Variants in TTC28 observed in about 807,000 individuals in gnomAD.
TTC28 encodes tetratricopeptide repeat domain 28, also known as tetratricopeptide repeat protein 28.
Under a neutral mutation model 198.0 loss-of-function variants are expected in TTC28, and 61 were observed. That is an observed-to-expected ratio of 0.31 (90% CI 0.25 to 0.38). The LOEUF is 0.38. TTC28 is among the 10% of genes least tolerant of loss of function. TTC28 has a pLI of 1.00. For missense variants in TTC28, 2,678 were observed against 3,164.0 expected (o/e 0.85, Z 3.69); for synonymous variants, 1,171 against 1,297.8 (o/e 0.90, Z 2.10).
chr22:28,158,389 C>G (rs966281854), intron 6 of TTC28, among the ~76,000 whole-genome samples: 1 of 152,082 alleles, frequency 6.6e-6, no homozygotes, highest in African/African-American at 2.4e-5. Flanking sequence ...TGACATTCTT[C>G]AAGGAAATAG....
intron 1 of TTC28, among the ~76,000 whole-genome samples, chr22:28,654,262 T>C (rs1365409270): frequency 2.0e-5 from 3 of 152,198 alleles, no homozygotes; most frequent in Non-Finnish European, 4.4e-5. Context: ...GCTTATGCCT[T>C]CTCAGAACTG....
chr22:28,339,986 G>T lies in TTC28; in HGVS notation c.382-33343C>A, dbSNP rs1184293767. On this transcript the variant is annotated intron_variant, in intron 2 of 22. Coordinates refer to ENST00000397906, the MANE Select transcript of TTC28 (RefSeq NM_001145418.2). ...ATCACCCGTCTTCTGCGTCGCCTAC[G>T]CTGGGAGCTGTAGACTGGAGCTGTT... Among the ~76,000 whole-genome samples the T allele has an allele frequency of 3.9e-5, 6 of 152,160 alleles. No homozygotes were observed. The East Asian group carries it at 7.7e-4, about 20-fold the overall frequency.
chr22:28,505,180 C>T (rs2048591747), intron 2 of TTC28, among the ~76,000 whole-genome samples: 1 of 150,442 alleles, frequency 6.6e-6, no homozygotes, highest in East Asian at 2.0e-4. Context: ...CTGCTTGAAT[C>T]CAGGAGGCGG....
intron 1 of TTC28, among the ~76,000 whole-genome samples, chr22:28,674,869 G>A (rs548022357): frequency 1.6e-4 from 24 of 148,860 alleles, no homozygotes; most frequent in Admixed American, 1.5e-3. Flanking sequence ...AATCCCAGCT[G>A]TCTTTTTTAC....
intron 13 of TTC28, among the ~76,000 whole-genome samples, chr22:28,018,804 G>A (rs191653504): frequency 1.1e-4 from 16 of 152,302 alleles, no homozygotes; most frequent in Admixed American, 2.6e-4. Context: ...CATGGTGGGA[G>A]GGTGTCAAGC....
chr22:28,592,653 T>C (rs1226530607), intron 2 of TTC28, among the ~76,000 whole-genome samples: 1 of 152,204 alleles, frequency 6.6e-6, no homozygotes. Flanking sequence ...CCAGATTTTT[T>C]TCCTCCTCCC....
At chr22:28,153,876 A>C (rs931928046) in intron 6 of TTC28, among the ~76,000 whole-genome samples, 1 of 152,184 alleles carries the variant, frequency 6.6e-6, no homozygotes, top group Non-Finnish European at 1.5e-5. Flanking sequence ...CCTTGGTGGG[A>C]AGCACCTTCT....
At chr22:28,534,875 A>T (rs1409309065) in intron 2 of TTC28, among the ~76,000 whole-genome samples, 1 of 151,966 alleles carries the variant, frequency 6.6e-6, no homozygotes, top group African/African-American at 2.4e-5. Context: ...GAACACTTGG[A>T]CACAGGATGA....
intron 1 of TTC28, among the ~76,000 whole-genome samples, chr22:28,663,680 A>G (rs577276404): frequency 0.084 from 11,089 of 132,324 alleles, 423 homozygotes; most frequent in African/African-American, 0.11. Flanking sequence ...CTAGCACAGC[A>G]GTCTGAGATC....
intron 7 of TTC28, among the ~76,000 whole-genome samples, chr22:28,106,487 GA>G (rs1433153933): frequency 1.3e-5 from 2 of 152,166 alleles, no homozygotes; most frequent in African/African-American, 4.8e-5. Flanking sequence ...TCCCACAGCA[GA>G]TGATAATAGA....
At chr22:28,091,176 G>T (rs973739031) in intron 12 of TTC28, among the ~76,000 whole-genome samples, 1 of 152,164 alleles carries the variant, frequency 6.6e-6, no homozygotes, top group Non-Finnish European at 1.5e-5. Flanking sequence ...AATTCAAAAG[G>T]CACCTGGAAA....
At chr22:28,128,141 A>G (rs554639376) in intron 6 of TTC28, among the ~76,000 whole-genome samples, 1 of 152,274 alleles carries the variant, frequency 6.6e-6, no homozygotes, top group Non-Finnish European at 1.5e-5. Flanking sequence ...GTTCAGGGCT[A>G]GACCCTCTTT....
intron 12 of TTC28, among the ~76,000 whole-genome samples, chr22:28,049,681 G>T (rs1940007899): frequency 1.3e-5 from 2 of 152,088 alleles, no homozygotes; most frequent in South Asian, 4.2e-4. Flanking sequence ...ATGTGAGGTG[G>T]TAAGCATATG....
chr22:28,592,967 T>C (rs772813653), intron 2 of TTC28, among the ~76,000 whole-genome samples: 31 of 152,144 alleles, frequency 2.0e-4, no homozygotes, highest in Non-Finnish European at 3.8e-4. Flanking sequence ...CCTTTTGTTG[T>C]TTAGATTTGG....
At position 28,679,426 on chromosome 22, in the gene TTC28, C is replaced by T. The variant is rs115763479; in HGVS notation, c.102+196G>A. Among the ~76,000 whole-genome samples the T allele has an allele frequency of 1.0e-2, 1,519 of 152,318 alleles. 35 individuals carry two copies. Among genetic ancestry groups the T allele is most frequent in the African/African-American group, 0.035 (1,456 of 41,582 alleles). ...CCTCACACACCCACACACATCCACACACACTCTCGCGGAAACTGAGCCAGG... is the reference window on the plus strand; with the variant it reads ...CCTCACACACCCACACACATCCACATACACTCTCGCGGAAACTGAGCCAGG... On this transcript the variant is annotated intron_variant, in intron 1 of 22. Coordinates refer to ENST00000397906, the MANE Select transcript of TTC28 (RefSeq NM_001145418.2).
rs147534618 is a variant in TTC28 at position 28,071,588 on chromosome 22, G to T, written c.3932+22492C>A. Among the ~76,000 whole-genome samples, 10 of 148,824 alleles carry T rather than the reference G, an allele frequency of 6.7e-5. No homozygotes were observed. The South Asian group carries it at 8.7e-4, about 13-fold the overall frequency. ...CACACTCTGGGGACTGTGGTGGGGT[G>T]GGGGGGAGCGGGGAGGGATAGCATT... On this transcript the variant is annotated intron_variant, in intron 12 of 22. Coordinates refer to ENST00000397906, the MANE Select transcript of TTC28 (RefSeq NM_001145418.2).
intron 2 of TTC28, among the ~76,000 whole-genome samples, chr22:28,400,248 TTTAC>T (rs1407993463): frequency 2.0e-5 from 3 of 152,174 alleles, no homozygotes; most frequent in Non-Finnish European, 4.4e-5. Context: ...TCAACCAATT[TTTAC>T]TTAAAGCTCT....
chr22:27,983,883 G>A, intron 22 of TTC28, 32 bp from the exon 23 acceptor site: 1 of 1,521,018 alleles, frequency 6.6e-7, no homozygotes, highest in Non-Finnish European at 8.8e-7. Flanking sequence ...CCCAAGGACA[G>A]TTAGAATTCT....
At chr22:28,432,306 TAAAATA>T (rs949653602) in intron 2 of TTC28, among the ~76,000 whole-genome samples, 2 of 150,792 alleles carry the variant, frequency 1.3e-5, no homozygotes, top group Non-Finnish European at 1.5e-5. Flanking sequence ...AATAAATAAA[TAAAATA>T]AAAATAAAAA....
Sources: gnomAD v4.1 joint callset for allele counts (sites outside exome capture counted in the v4.1 genomes callset) on GRCh38, gnomAD v4.1.1 for gene constraint, MANE v1.5 for transcripts, NCBI Gene and HGNC (gene_info 2026-07-23, HGNC 2026-07-21) for gene names.